The following GUCY1A2 variants were observed in gnomAD, a reference collection of about 807,000 sequenced individuals.
The protein encoded by GUCY1A2 is guanylate cyclase 1 soluble subunit alpha 2.
A neutral mutation model predicts 63.5 loss-of-function variants in GUCY1A2; 27 were observed. The observed-to-expected ratio is 0.43, with a 90% CI of 0.31 to 0.59. GUCY1A2 has a LOEUF of 0.59. GUCY1A2 is among the 20% of genes least tolerant of loss of function. The pLI, the probability that GUCY1A2 is intolerant of heterozygous loss-of-function variation, is 0.11. For synonymous variants in GUCY1A2, 364 were observed against 343.5 expected, an observed-to-expected ratio of 1.06 and a Z score of -0.66; for missense variants, 768 against 913.3, an observed-to-expected ratio of 0.84 and a Z score of 2.05.
At chr11:106,997,933 G>A (rs955451653) in intron 1 of GUCY1A2, among the ~76,000 whole-genome samples, 4 of 151,802 alleles carry the variant, frequency 2.6e-5, no homozygotes, top group Admixed American at 6.6e-5. Context: ...GTATGTATCC[G>A]CACATCAATC....
intron 3 of GUCY1A2, among the ~76,000 whole-genome samples, chr11:106,942,452 T>C (rs1174950444): frequency 6.6e-6 from 1 of 152,172 alleles, no homozygotes; most frequent in African/African-American, 2.4e-5. Flanking sequence ...TGCTATGAAA[T>C]CTTCCAGTTA....
In GUCY1A2 at chr11:106,923,804, T is replaced by C. The variant is rs961491224; in HGVS notation, c.1206+15656A>G. ...AAATAAAAGCCTTATGAGACAAAGG[T>C]TGAGAAGTTTTAAAGTATTAAACTA... On this transcript the variant is annotated intron_variant, in intron 4 of 7. Coordinates refer to ENST00000526355, the MANE Select transcript of GUCY1A2 (RefSeq NM_000855.3). Among the ~76,000 whole-genome samples the C allele has an allele frequency of 4.6e-5, 7 of 152,120 alleles. 1 individual carries two copies. The South Asian group carries it at 6.2e-4, about 14-fold the overall frequency.
intron 1 of GUCY1A2, among the ~76,000 whole-genome samples, chr11:107,003,752 T>A (rs1011721357): frequency 6.6e-6 from 1 of 152,220 alleles, no homozygotes; most frequent in Non-Finnish European, 1.5e-5. Context: ...GCACTTTTGT[T>A]AATGCCATGA....
At position 106,683,042 on chromosome 11, in the gene GUCY1A2, T is replaced by TTCAA. The variant is rs1862457585; in HGVS notation, c.*4503_*4506dup. ...CTTACCCATTTAACAATAAATTTTG[T>TTCAA]TCAATCACATGAACACAATTTATGT... On this transcript the variant is annotated 3_prime_UTR_variant, in exon 8 of 8. Coordinates refer to ENST00000526355, the MANE Select transcript of GUCY1A2 (RefSeq NM_000855.3). 4.6e-6 allele frequency: 1 copy of TTCAA among 217,462 alleles called. No individual in the cohort carries two copies. The highest frequency in any genetic ancestry group is 9.3e-6 in the Non-Finnish European group (1 of 108,038). The allele number at this position is 217,462 out of a possible 1,614,324, so 13.5% of individuals were successfully genotyped here.
At chr11:106,790,798 G>A (rs563842328) in intron 5 of GUCY1A2, among the ~76,000 whole-genome samples, 1 of 152,076 alleles carries the variant, frequency 6.6e-6, no homozygotes, top group East Asian at 1.9e-4. Context: ...TGCCTGAAAT[G>A]GGGGCCTCAT....
At chr11:106,984,718 T>C (rs559224477) in intron 2 of GUCY1A2, among the ~76,000 whole-genome samples, 28 of 152,304 alleles carry the variant, frequency 1.8e-4, no homozygotes, top group South Asian at 1.0e-3. Context: ...GAGGAACTAT[T>C]TTAAGTATAC....
At chr11:106,778,102 C>A (rs1864391462) in intron 5 of GUCY1A2, among the ~76,000 whole-genome samples, 1 of 152,102 alleles carries the variant, frequency 6.6e-6, no homozygotes, top group African/African-American at 2.4e-5. Context: ...CTCTAATTAT[C>A]CACAATAGAG....
chr11:106,928,811 T>C (rs1199012603), intron 4 of GUCY1A2, among the ~76,000 whole-genome samples: 2 of 152,194 alleles, frequency 1.3e-5, no homozygotes, highest in Non-Finnish European at 2.9e-5. Context: ...AAAGGTATGA[T>C]AAAATACGGC....
At chr11:106,701,223 AACAG>A (rs1331285352) in intron 7 of GUCY1A2, among the ~76,000 whole-genome samples, 2 of 152,160 alleles carry the variant, frequency 1.3e-5, no homozygotes, top group African/African-American at 4.8e-5. Context: ...TCACAGAGGC[AACAG>A]ACAATTTTTT....
chr11:106,879,879 T>C (rs571274734), intron 4 of GUCY1A2, among the ~76,000 whole-genome samples: 5 of 152,240 alleles, frequency 3.3e-5, no homozygotes, highest in African/African-American at 9.6e-5. Context: ...AGCAACTGTC[T>C]ACGTCCATTA....
chr11:106,781,133 A>G (rs1168028844), intron 5 of GUCY1A2, among the ~76,000 whole-genome samples: 3 of 149,692 alleles, frequency 2.0e-5, no homozygotes, highest in Non-Finnish European at 4.5e-5. Flanking sequence ...AAAAAAAAAA[A>G]GAAAAACTGT....
intron 3 of GUCY1A2, among the ~76,000 whole-genome samples, chr11:106,972,172 T>C (rs1163342002): frequency 6.6e-6 from 1 of 152,138 alleles, no homozygotes; most frequent in Admixed American, 6.6e-5. Flanking sequence ...AGGAAAAGGT[T>C]AAAAACTAAG....
chr11:106,909,311 T>G (rs1387413379), intron 4 of GUCY1A2, among the ~76,000 whole-genome samples: 1 of 151,224 alleles, frequency 6.6e-6, no homozygotes, highest in Non-Finnish European at 1.5e-5. Flanking sequence ...AATATTGACA[T>G]TGATAAAATC....
intron 1 of GUCY1A2, 135 bp downstream of exon 1, chr11:107,017,618 T>C: frequency 4.8e-6 from 2 of 419,286 alleles, no homozygotes; most frequent in Non-Finnish European, 4.1e-6. Context: ...ACTGGAACCC[T>C]AGGCCGTGCA....
intron 4 of GUCY1A2, among the ~76,000 whole-genome samples, chr11:106,867,368 G>A (rs1859609468): frequency 6.6e-6 from 1 of 152,030 alleles, no homozygotes; most frequent in Non-Finnish European, 1.5e-5. Context: ...ATACGTATCA[G>A]ACACCAATAC....
chr11:106,699,921 A>G (rs1862789155), intron 7 of GUCY1A2, among the ~76,000 whole-genome samples: 2 of 151,904 alleles, frequency 1.3e-5, no homozygotes, highest in African/African-American at 2.4e-5. Context: ...AGCTGGGACT[A>G]CAGGCGCCCG....
intron 6 of GUCY1A2, among the ~76,000 whole-genome samples, chr11:106,713,246 T>C (rs557244015): frequency 1.3e-5 from 2 of 152,306 alleles, no homozygotes; most frequent in East Asian, 3.9e-4. Flanking sequence ...TTTGTCCTGA[T>C]TTTAAAAAGT....
chr11:106,868,070 G>T (rs1859620171), intron 4 of GUCY1A2, among the ~76,000 whole-genome samples: 1 of 152,010 alleles, frequency 6.6e-6, no homozygotes, highest in Admixed American at 6.6e-5. Flanking sequence ...TGAGTTAGTA[G>T]TATGTAGTCT....
At chr11:106,976,963 G>A (rs1193405428) in intron 3 of GUCY1A2, among the ~76,000 whole-genome samples, 3 of 151,866 alleles carry the variant, frequency 2.0e-5, no homozygotes, top group Non-Finnish European at 4.4e-5. Context: ...GTTTCTCTCC[G>A]TGGGAATTGT....
Sources: allele counts gnomAD v4.1 joint callset (sites outside exome capture counted in the v4.1 genomes callset), GRCh38; gene constraint gnomAD v4.1.1; transcripts MANE v1.5; gene names NCBI Gene and HGNC (gene_info 2026-07-23, HGNC 2026-07-21).